Variants in NFIA observed in about 807,000 individuals in gnomAD.
The protein encoded by NFIA is nuclear factor I A.
Under a neutral mutation model 62.8 loss-of-function variants are expected in NFIA, and 8 were observed. The observed-to-expected ratio is 0.13, with a 90% confidence interval of 0.07 to 0.23. The LOEUF is 0.23. Among genes scored for constraint, NFIA ranks in the 10% least tolerant of loss-of-function variants. NFIA has a pLI of 1.00. For synonymous variants in NFIA, 235 were observed against 238.1 expected (o/e 0.99, Z 0.12); for missense variants, 410 against 642.1 (o/e 0.64, Z 3.91).
At chr1:61,175,434 G>T (rs186979797) in intron 2 of NFIA, among the ~76,000 whole-genome samples, 1 of 152,136 alleles carries the variant, frequency 6.6e-6, no homozygotes, top group Non-Finnish European at 1.5e-5. Context: ...GAGCCACAGC[G>T]CCTGGCCCTT....
At chr1:61,380,235 A>G (rs1282913852) in intron 6 of NFIA, among the ~76,000 whole-genome samples, 1 of 152,194 alleles carries the variant, frequency 6.6e-6, no homozygotes, top group Admixed American at 6.5e-5. Context: ...TCTGCTTCTC[A>G]TTCTACAAAA....
At chr1:61,152,352 A>G (rs1307225375) in intron 2 of NFIA, among the ~76,000 whole-genome samples, 1 of 152,126 alleles carries the variant, frequency 6.6e-6, no homozygotes, top group Non-Finnish European at 1.5e-5. Flanking sequence ...CCTGCACCCC[A>G]GGAGGTAAAT....
chr1:61,160,823 A>T (rs546088130), intron 2 of NFIA, among the ~76,000 whole-genome samples: 1 of 152,202 alleles, frequency 6.6e-6, no homozygotes, highest in Non-Finnish European at 1.5e-5. Flanking sequence ...ACCAAGTCAC[A>T]TTTTATAGAC....
At chr1:61,094,278 G>A (rs1216036756) in intron 2 of NFIA, among the ~76,000 whole-genome samples, 2 of 151,032 alleles carry the variant, frequency 1.3e-5, no homozygotes, top group South Asian at 2.1e-4. Flanking sequence ...GAATGAACTC[G>A]TATGCTTTGT....
chr1:61,212,977 G>A (rs1472320598), intron 2 of NFIA, among the ~76,000 whole-genome samples: 1 of 152,216 alleles, frequency 6.6e-6, no homozygotes, highest in African/African-American at 2.4e-5. Context: ...AGAGATATCT[G>A]AGGAGGCTCA....
chr1:61,383,492 C>G, intron 7 of NFIA, 127 bp downstream of exon 7: 1 of 1,204,400 alleles, frequency 8.3e-7, no homozygotes, highest in Non-Finnish European at 1.1e-6. Flanking sequence ...AATTTCTTAC[C>G]CTTGGGGGCA....
intron 2 of NFIA, among the ~76,000 whole-genome samples, chr1:61,196,430 A>G (rs1263805521): frequency 6.6e-6 from 1 of 152,188 alleles, no homozygotes; most frequent in Non-Finnish European, 1.5e-5. Flanking sequence ...GAAAATGTCT[A>G]GAATTGATAA....
At chr1:61,184,279 A>G (rs1650988708) in intron 2 of NFIA, among the ~76,000 whole-genome samples, 1 of 152,212 alleles carries the variant, frequency 6.6e-6, no homozygotes, top group Admixed American at 6.5e-5. Flanking sequence ...CGCTCCTTAC[A>G]TGGCGGCTGT....
At chr1:61,163,787 TG>T (rs1193961906) in intron 2 of NFIA, among the ~76,000 whole-genome samples, 3 of 152,184 alleles carry the variant, frequency 2.0e-5, no homozygotes, top group African/African-American at 7.2e-5. Context: ...TTTTGTATGC[TG>T]GGGTCTTAAA....
rs367677045 is a variant in NFIA at position 61,177,060 on chromosome 1, C to T, written c.559+88380C>T. Among the ~76,000 whole-genome samples the T allele has an allele frequency of 1.2e-3, 182 of 151,744 alleles. 1 individual carries two copies. The highest frequency in any genetic ancestry group is 4.3e-3 in the African/African-American group (178 of 41,338). ...GGCAGAGCTTGCAGTGAGCCAAGAT[C>T]GCACCACTGCACTCCAGCCTGGGCG... is the stretch of plus-strand genomic sequence containing the variant. On this transcript the variant is annotated intron_variant, in intron 2 of 10. Transcript: ENST00000403491.
chr1:61,307,682 A>C (rs569401656), intron 3 of NFIA, among the ~76,000 whole-genome samples: 11 of 152,212 alleles, frequency 7.2e-5, no homozygotes, highest in Non-Finnish European at 1.3e-4. Context: ...TAATGCCACT[A>C]TCAGTGCTTC....
At chr1:61,211,898 T>C (rs1653286697) in intron 2 of NFIA, among the ~76,000 whole-genome samples, 2 of 152,176 alleles carry the variant, frequency 1.3e-5, no homozygotes. Context: ...GGTTTTGCCA[T>C]GTTGCCCAGG....
intron 10 of NFIA, among the ~76,000 whole-genome samples, chr1:61,445,920 C>T (rs1274210157): frequency 1.3e-5 from 2 of 152,070 alleles, no homozygotes; most frequent in Non-Finnish European, 2.9e-5. Context: ...ATTTAGATCT[C>T]TGACTCCATG....
chr1:61,279,688 G>A (rs140660695), intron 3 of NFIA, among the ~76,000 whole-genome samples: 1 of 152,150 alleles, frequency 6.6e-6, no homozygotes, highest in African/African-American at 2.4e-5. Context: ...CGCCCCTCTA[G>A]CAGGCCTGTG....
rs1271724530 is a variant in NFIA, at chr1:61,374,267, CCTT to C, written c.947-8967_947-8965del. Among the ~76,000 whole-genome samples, 9 of 152,188 alleles carry C rather than the reference CCTT, an allele frequency of 5.9e-5. No homozygotes were observed. In the East Asian group the frequency reaches 1.7e-3, roughly 29 times the overall value. On this transcript the variant is annotated intron_variant, in intron 6 of 10. Transcript: ENST00000403491. Reference sequence around the variant, plus strand: ...CAGAAATGTCTTCTTTATCCTCAGTCCTTCTGTGAATGCGTATAATTGCTATGT... The same window carrying C: ...CAGAAATGTCTTCTTTATCCTCAGTCCTGTGAATGCGTATAATTGCTATGT...
intron 2 of NFIA, among the ~76,000 whole-genome samples, chr1:61,179,209 T>C (rs1228229620): frequency 2.0e-5 from 3 of 152,208 alleles, no homozygotes. Context: ...TTACATTTGC[T>C]TTTGAAGCCA....
intron 10 of NFIA, among the ~76,000 whole-genome samples, chr1:61,436,761 T>TA (rs1363730468): frequency 1.1e-4 from 17 of 152,346 alleles, no homozygotes; most frequent in African/African-American, 4.1e-4. Flanking sequence ...TTCATTGAGT[T>TA]ACATTCCACA....
intron 2 of NFIA, among the ~76,000 whole-genome samples, chr1:61,139,388 G>A (rs867681295): frequency 6.6e-6 from 1 of 152,188 alleles, no homozygotes; most frequent in South Asian, 2.1e-4. Context: ...GAGGGGCTCC[G>A]TGCAGCTTGC....
intron 2 of NFIA, among the ~76,000 whole-genome samples, chr1:61,145,549 G>A (rs1228497211): frequency 6.6e-6 from 1 of 152,206 alleles, no homozygotes; most frequent in Non-Finnish European, 1.5e-5. Context: ...AGCAGTGAAT[G>A]AATGGGACAA....
Sources: gnomAD v4.1 joint callset for allele counts (sites outside exome capture counted in the v4.1 genomes callset) on GRCh38, gnomAD v4.1.1 for gene constraint, MANE v1.5 for transcripts, NCBI Gene and HGNC (gene_info 2026-07-23, HGNC 2026-07-21) for gene names.